The following ZNF766 variants were observed in gnomAD, a reference collection of about 807,000 sequenced individuals.
ZNF766 encodes zinc finger protein 766.
A neutral mutation model predicts 13.2 loss-of-function variants in ZNF766; 13 were observed. The observed-to-expected ratio is 0.98, with a 90% CI of 0.64 to 1.56. The LOEUF is 1.56. Ranked by LOEUF, ZNF766 falls within the 40% of genes most tolerant of loss-of-function variation. The pLI is 0.00. For synonymous variants in ZNF766, 178 were observed against 187.6 expected (o/e 0.95, Z 0.42); for missense variants, 521 against 552.2 (o/e 0.94, Z 0.57).
At chr19:52,271,745 T>A (rs186085550) in intron 1 of ZNF766, among the ~76,000 whole-genome samples, 375 of 152,236 alleles carry the variant, frequency 2.5e-3, no homozygotes, top group African/African-American at 8.6e-3. Context: ...GGATCACTTA[T>A]GGCCAGGAGT....
chr19:52,288,035 T>G (rs534995798), intron 3 of ZNF766: 49 of 428,336 alleles, frequency 1.1e-4, no homozygotes, highest in South Asian at 7.9e-4. Flanking sequence ...TTCTTTTTTT[T>G]TTTGAGATGG....
intron 1 of ZNF766, chr19:52,277,342 C>G: frequency 1.0e-6 from 1 of 966,820 alleles, no homozygotes; most frequent in Non-Finnish European, 1.5e-6. Context: ...ACCTGTAGTC[C>G]CAGCTACTCA....
chr19:52,289,162 T>G (rs979817834), intron 3 of ZNF766, among the ~76,000 whole-genome samples: 1 of 150,898 alleles, frequency 6.6e-6, no homozygotes, highest in Non-Finnish European at 1.5e-5. Context: ...GGTTTTTTTT[T>G]TTTTTTGAAA....
chr19:52,284,851 C>G (rs761287887), intron 3 of ZNF766: 1 of 152,110 alleles, frequency 6.6e-6, no homozygotes, highest in Non-Finnish European at 1.5e-5. Flanking sequence ...TGAGGAGATT[C>G]ACAAGGCGAG....
intron 1 of ZNF766, among the ~76,000 whole-genome samples, chr19:52,276,627 G>T (rs906620143): frequency 2.0e-5 from 3 of 152,028 alleles, no homozygotes; most frequent in Non-Finnish European, 4.4e-5. Context: ...CATTGATGTT[G>T]GCAATTTGGA....
chr19:52,287,235 C>T (rs552487506), intron 3 of ZNF766, among the ~76,000 whole-genome samples: 9 of 151,202 alleles, frequency 6.0e-5, no homozygotes, highest in Non-Finnish European at 1.0e-4. Context: ...CTCCGCCTCC[C>T]GGGTTCAAGC....
At chr19:52,271,593 C>T (rs1171632017) in intron 1 of ZNF766, among the ~76,000 whole-genome samples, 6 of 152,212 alleles carry the variant, frequency 3.9e-5, no homozygotes, top group Non-Finnish European at 8.8e-5. Context: ...CTTCCTCTGG[C>T]ATCACCAATA....
chr19:52,292,247 C>T lies in ZNF766; in HGVS notation c.*1049C>T, dbSNP rs749044162. ...CCAGTTTCCTGGAGGAATAAGGACACTGCCTTTTCAGATTAAAGATTGTCT... is the reference window on the plus strand; with the variant it reads ...CCAGTTTCCTGGAGGAATAAGGACATTGCCTTTTCAGATTAAAGATTGTCT... On this transcript the variant is annotated 3_prime_UTR_variant, in exon 4 of 4. Coordinates refer to ENST00000439461, the MANE Select transcript of ZNF766 (RefSeq NM_001010851.3). 1.4e-6 allele frequency: 1 copy of T among 693,234 alleles called. No homozygotes were observed. The highest frequency in any genetic ancestry group is 2.6e-6 in the Non-Finnish European group (1 of 382,244). 42.9% of individuals were successfully genotyped at this position (693,234 alleles called of 1,614,324 possible).
At chr19:52,283,734 G>T (rs191055622) in intron 3 of ZNF766, among the ~76,000 whole-genome samples, 3 of 152,190 alleles carry the variant, frequency 2.0e-5, no homozygotes, top group South Asian at 2.1e-4. Flanking sequence ...ATGTATGTAT[G>T]TATTTATTCA....
chr19:52,274,150 C>G (rs1284956431), intron 1 of ZNF766, among the ~76,000 whole-genome samples: 1 of 152,180 alleles, frequency 6.6e-6, no homozygotes, highest in Non-Finnish European at 1.5e-5. Context: ...CTTGAATCAT[C>G]TCTTTGTCCT....
At chr19:52,286,600 GT>G (rs1178060024) in intron 3 of ZNF766, among the ~76,000 whole-genome samples, 5 of 151,838 alleles carry the variant, frequency 3.3e-5, no homozygotes, top group Non-Finnish European at 7.4e-5. Flanking sequence ...AATTGCTAAG[GT>G]TTTTCAAATG....
chr19:52,277,818 C>G (rs1399938239), intron 1 of ZNF766, among the ~76,000 whole-genome samples: 2 of 152,030 alleles, frequency 1.3e-5, no homozygotes, highest in Non-Finnish European at 2.9e-5. Context: ...GGTGTCAGTG[C>G]TGTTGGGCAG....
intron 1 of ZNF766, among the ~76,000 whole-genome samples, chr19:52,280,445 TTGTATA>T (rs1981446934): frequency 6.6e-6 from 1 of 152,182 alleles, no homozygotes; most frequent in South Asian, 2.1e-4. Context: ...GATGTGTAAA[TTGTATA>T]TGTGTATTAC....
At chr19:52,271,598 C>T (rs1980977180) in intron 1 of ZNF766, among the ~76,000 whole-genome samples, 2 of 152,138 alleles carry the variant, frequency 1.3e-5, no homozygotes, top group African/African-American at 4.8e-5. Flanking sequence ...TCTGGCATCA[C>T]CAATATTTAC....
At position 52,285,526 on chromosome 19, in the gene ZNF766, G is replaced by A. The variant is rs530563894; in HGVS notation, c.274+2113G>A. On this transcript the variant is annotated intron_variant, in intron 3 of 3. Coordinates refer to ENST00000439461, the MANE Select transcript of ZNF766 (RefSeq NM_001010851.3). ...CTCAGGTTTACCGGTTTATTATGAA[G>A]GATATTGCAAGGGTACAGATGAAGA... Among the ~76,000 whole-genome samples, 9 of 152,334 alleles carry A rather than the reference G, an allele frequency of 5.9e-5. No individual in the cohort carries two copies. The South Asian group carries it at 1.7e-3, about 28-fold the overall frequency.
At chr19:52,282,995 A>T (rs1458759237) in intron 2 of ZNF766, among the ~76,000 whole-genome samples, 1 of 152,172 alleles carries the variant, frequency 6.6e-6, no homozygotes, top group Admixed American at 6.6e-5. Flanking sequence ...CTTTGAGTAT[A>T]TACCCAGTAA....
In ZNF766 at chr19:52,269,646, G is replaced by T; in HGVS notation, c.18+15G>T. On this transcript the variant is annotated intron_variant, in intron 1 of 3. Transcript: ENST00000439461. The stretch of plus-strand genomic sequence containing the variant: ...AACTGCGGCGCGTGAGTTTTCCTTT[G>T]TTTAGATTAAGTGTTCGCTTAGCGG... 1 of 1,612,792 alleles carries T rather than the reference G, an allele frequency of 6.2e-7. No homozygotes were observed. Among genetic ancestry groups the T allele is most frequent in the Non-Finnish European group, 8.5e-7 (1 of 1,179,660 alleles).
At chr19:52,289,823 AC>A in intron 3 of ZNF766, among the ~76,000 whole-genome samples, 1 of 152,102 alleles carries the variant, frequency 6.6e-6, no homozygotes, top group Non-Finnish European at 1.5e-5. Context: ...ACACAGTGAA[AC>A]CCCGTCTCTA....
chr19:52,285,893 C>T (rs539673803), intron 3 of ZNF766, among the ~76,000 whole-genome samples: 12 of 152,128 alleles, frequency 7.9e-5, no homozygotes, highest in Non-Finnish European at 1.6e-4. Flanking sequence ...AAGACTGTAG[C>T]AAGGGCTATG....
Sources: allele counts gnomAD v4.1 joint callset (sites outside exome capture counted in the v4.1 genomes callset), GRCh38; gene constraint gnomAD v4.1.1; transcripts MANE v1.5; gene names NCBI Gene and HGNC (gene_info 2026-07-23, HGNC 2026-07-21).